The following POTEC variants were observed in gnomAD, a reference collection of about 807,000 sequenced individuals.
POTEC encodes POTE ankyrin domain family member C, also known as ANKRD26-like family B member 2.
A neutral mutation model predicts 62.0 loss-of-function variants in POTEC; 35 were observed. The ratio of observed to expected loss-of-function variants is 0.56; its 90% confidence interval spans 0.43 to 0.75. The LOEUF (loss-of-function observed/expected upper bound fraction) is 0.75, where lower values mean the gene tolerates loss of function less well. POTEC is among the 30% of genes least tolerant of loss of function. The pLI is 0.00. For synonymous variants in POTEC, 156 were observed against 221.5 expected (o/e 0.70, Z 2.62); for missense variants, 472 against 655.9 (o/e 0.72, Z 3.06).
chr18:14,527,846 G>A (rs1473045137), intron 6 of POTEC: 3 of 152,094 alleles, frequency 2.0e-5, no homozygotes, highest in Non-Finnish European at 4.4e-5. Context: ...TTTTGCCATG[G>A]GCAGGTGAAA....
intron 3 of POTEC, among the ~76,000 whole-genome samples, chr18:14,537,390 T>C (rs1021574629): frequency 2.0e-5 from 3 of 151,904 alleles, no homozygotes; most frequent in African/African-American, 7.3e-5. Flanking sequence ...TCTATTAGTG[T>C]TTTTTTAGGA....
chr18:14,528,357 C>T (rs1237166640), intron 6 of POTEC, among the ~76,000 whole-genome samples: 1 of 151,964 alleles, frequency 6.6e-6, no homozygotes. Context: ...TTTATTATCC[C>T]AATCCCCCTC....
intron 9 of POTEC, among the ~76,000 whole-genome samples, chr18:14,519,027 C>T (rs1057371080): frequency 2.0e-5 from 3 of 152,170 alleles, no homozygotes; most frequent in African/African-American, 7.2e-5. Flanking sequence ...AATTCCCAGT[C>T]TATGACACTC....
At chr18:14,530,122 T>C (rs374790408) in intron 6 of POTEC, among the ~76,000 whole-genome samples, 10,052 of 151,740 alleles carry the variant, frequency 0.066, 359 homozygotes, top group Middle Eastern at 0.12. Context: ...CATTGGAGCA[T>C]GAACCCTGTT....
At chr18:14,525,359 C>T (rs1910409155) in intron 6 of POTEC, among the ~76,000 whole-genome samples, 1 of 152,106 alleles carries the variant, frequency 6.6e-6, no homozygotes, top group Non-Finnish European at 1.5e-5. Flanking sequence ...CACTTAGCTA[C>T]TCTGACTCTA....
intron 9 of POTEC, among the ~76,000 whole-genome samples, chr18:14,519,719 A>G (rs1910259237): frequency 6.6e-6 from 1 of 152,170 alleles, no homozygotes; most frequent in South Asian, 2.1e-4. Context: ...TCTGTCTCCA[A>G]AAAAGAAAAA....
Position 14,511,791 on chromosome 18 carries a change from T to C in POTEC, c.*107A>G. 1 of 1,196,442 alleles carries C rather than the reference T, an allele frequency of 8.4e-7. No individual in the cohort carries two copies. Among genetic ancestry groups the C allele is most frequent in the Non-Finnish European group, 1.2e-6 (1 of 811,236 alleles). The allele number at this position is 1,196,442 out of a possible 1,614,324, so 74.1% of individuals were successfully genotyped here. On this transcript the variant is annotated 3_prime_UTR_variant, in exon 11 of 11. Coordinates refer to ENST00000358970, the MANE Select transcript of POTEC (RefSeq NM_001137671.2). ...AAATATTGGTTTTCGTTAATGCTTC[T>C]TCATTCAATTGCATAGCCCTTAGAA...
intron 1 of POTEC, among the ~76,000 whole-genome samples, chr18:14,540,873 A>G (rs934402398): frequency 3.3e-5 from 5 of 151,014 alleles, no homozygotes; most frequent in Non-Finnish European, 1.5e-5. Context: ...TCATTCCTCT[A>G]TATTTATTTA....
rs1301951625 is a variant in POTEC, at chr18:14,508,283, A to G, written c.*3615T>C. The G allele has an allele frequency of 6.6e-6, 1 of 151,702 alleles. No homozygotes were observed. The highest frequency in any genetic ancestry group is 1.5e-5 in the Non-Finnish European group (1 of 67,880). The allele number at this position is 151,702 out of a possible 1,614,324, so 9.4% of individuals were successfully genotyped here. A position where few individuals can be genotyped will look rare whatever the true frequency, so the allele number is the denominator to read the frequency against. Reference sequence around the variant, plus strand: ...ATTCCCTTTCATTCTTTTTTCCCCCATTCTTGTTTGCCTGTTTTATTTCAG... The same window carrying G: ...ATTCCCTTTCATTCTTTTTTCCCCCGTTCTTGTTTGCCTGTTTTATTTCAG... On this transcript the variant is annotated 3_prime_UTR_variant, in exon 11 of 11. Coordinates refer to ENST00000358970, the MANE Select transcript of POTEC (RefSeq NM_001137671.2).
At chr18:14,525,095 G>T in intron 6 of POTEC, 112 bp from the exon 7 acceptor site, 2 of 1,473,980 alleles carry the variant, frequency 1.4e-6, no homozygotes, top group Non-Finnish European at 1.8e-6. Flanking sequence ...CATAAATTGA[G>T]TGTTTAGTCT....
At chr18:14,540,548 T>C (rs1905897493) in intron 1 of POTEC, among the ~76,000 whole-genome samples, 1 of 152,210 alleles carries the variant, frequency 6.6e-6, no homozygotes, top group African/African-American at 2.4e-5. Flanking sequence ...CCGACATATC[T>C]CTGTATCTAC....
rs191711385 is a variant in POTEC at position 14,529,312 on chromosome 18, T to C, written c.1126+1171A>G. Reference sequence around the variant, plus strand: ...AAAAATGATTAGTATCTAAAGGACATTTAATAGTTATTTGTTAAGTGGACA... The same window carrying C: ...AAAAATGATTAGTATCTAAAGGACACTTAATAGTTATTTGTTAAGTGGACA... On this transcript the variant is annotated intron_variant, in intron 6 of 10. Transcript: ENST00000358970. Among the ~76,000 whole-genome samples, 241 of 152,288 alleles carry C rather than the reference T, an allele frequency of 1.6e-3. 1 individual carries two copies. The highest frequency in any genetic ancestry group is 2.7e-3 in the Non-Finnish European group (186 of 68,002).
At position 14,524,958 on chromosome 18, in the gene POTEC, C is replaced by T; in HGVS notation, c.1152G>A (p.Glu384=). 5.0e-6 allele frequency: 8 copies of T among 1,604,532 alleles called. No individual in the cohort carries two copies. Among genetic ancestry groups the T allele is most frequent in the Non-Finnish European group, 6.8e-6 (8 of 1,176,784 alleles). The change falls in exon 7 of 11, where the codon GAG becomes GAA. Residue 384 remains glutamate, a synonymous_variant. Transcript: ENST00000358970. ...NPEQDLKLTS[E]EESQRLKVSE... is the part of the protein sequence containing the mutation. ...TGACTTTAAGCCTTTGTGACTCTTCCTCTGATGTTAGCTTTAAGTCTTGTT... is the reference window on the plus strand; with the variant it reads ...TGACTTTAAGCCTTTGTGACTCTTCTTCTGATGTTAGCTTTAAGTCTTGTT...
At chr18:14,523,565 C>G in intron 7 of POTEC, 58 bp from the exon 8 acceptor site, 1 of 1,548,716 alleles carries the variant, frequency 6.5e-7, no homozygotes, top group Admixed American at 1.8e-5. Context: ...TATGTCTCCT[C>G]TTTTGGAATG....
In POTEC at chr18:14,513,719, C is replaced by T; in HGVS notation, c.1476G>A (p.Glu492=). Reference sequence around the variant, plus strand: ...TCTGCTTTTGTTTATTAGTCAGAATCTCATCTTGTGATATTCCAGTGTTCT... The same window carrying T: ...TCTGCTTTTGTTTATTAGTCAGAATTTCATCTTGTGATATTCCAGTGTTCT... ...EEQNTGISQD[E]ILTNKQKQIE... Residue 492 remains glutamate (E), a synonymous_variant, in exon 10 of 11, where the codon GAG becomes GAA. Coordinates refer to ENST00000358970, the MANE Select transcript of POTEC (RefSeq NM_001137671.2). 1 of 1,611,770 alleles carries T rather than the reference C, an allele frequency of 6.2e-7. No homozygotes were observed. The highest frequency in any genetic ancestry group is 2.2e-5 in the East Asian group (1 of 44,868).
At chr18:14,528,746 T>C (rs184041535) in intron 6 of POTEC, 2 of 329,110 alleles carry the variant, frequency 6.1e-6, no homozygotes, top group African/African-American at 4.4e-5. Context: ...CAAAGCATTG[T>C]ACCTGGTAAA....
intron 3 of POTEC, among the ~76,000 whole-genome samples, chr18:14,537,224 A>C (rs868325361): frequency 0.017 from 2,061 of 119,510 alleles, 21 homozygotes; most frequent in Non-Finnish European, 0.026. Flanking sequence ...AAAAAAAAAA[A>C]ACAAAAAAAA....
intron 9 of POTEC, among the ~76,000 whole-genome samples, chr18:14,516,095 T>C (rs1567909978): frequency 6.7e-6 from 1 of 150,212 alleles, no homozygotes; most frequent in Non-Finnish European, 1.5e-5. Context: ...TACAAATCTA[T>C]GGAAAACATT....
rs1056330502 is a variant in POTEC, at chr18:14,531,997, G to A, written c.1055+1064C>T. On this transcript the variant is annotated intron_variant, in intron 5 of 10. Transcript: ENST00000358970. ...TATCATGTAAATCAGATCACTCAAG[G>A]GGCCAACCACAGCTGGGAGCCACTG... Among the ~76,000 whole-genome samples, 3 of 151,112 alleles carry A rather than the reference G, an allele frequency of 2.0e-5. No homozygotes were observed. In the South Asian group the frequency reaches 6.3e-4, roughly 32 times the overall value.
Sources: gnomAD v4.1 joint callset for allele counts (sites outside exome capture counted in the v4.1 genomes callset) on GRCh38, gnomAD v4.1.1 for gene constraint, MANE v1.5 for transcripts, NCBI Gene and HGNC (gene_info 2026-07-23, HGNC 2026-07-21) for gene names.